Variants in VPS13C observed in about 807,000 individuals in gnomAD.
VPS13C encodes intermembrane lipid transfer protein VPS13C.
A neutral mutation model predicts 456.8 loss-of-function variants in VPS13C; 358 were observed. The observed-to-expected ratio is 0.78, with a 90% CI of 0.72 to 0.86. The LOEUF is 0.86. Ranked by LOEUF, VPS13C falls within the 40% of genes least tolerant of loss-of-function variation. The probability of loss-of-function intolerance (pLI) is 0.00; values close to 1 mark genes in which losing one functional copy is unlikely to be tolerated. For missense variants in VPS13C, 4,818 were observed against 4,385.4 expected (o/e 1.10, Z -2.79); for synonymous variants, 1,578 against 1,486.7 (o/e 1.06, Z -1.41).
chr15:61,942,138 T>G, intron 45 of VPS13C, 71 bp from the exon 46 acceptor site: 1 of 1,360,882 alleles, frequency 7.3e-7, no homozygotes, highest in Non-Finnish European at 9.9e-7. Flanking sequence ...TAAAAAGCAT[T>G]TACTTTAAAA....
chr15:62,017,605 G>T (rs1348534473), intron 9 of VPS13C, among the ~76,000 whole-genome samples: 1 of 152,088 alleles, frequency 6.6e-6, no homozygotes, highest in African/African-American at 2.4e-5. Flanking sequence ...TAGATGTGTG[G>T]TATTATTTCT....
chr15:61,965,526 C>A (rs749742365), intron 30 of VPS13C, among the ~76,000 whole-genome samples: 1 of 151,822 alleles, frequency 6.6e-6, no homozygotes, highest in Non-Finnish European at 1.5e-5. Flanking sequence ...AAATGAATTT[C>A]TTTTCATTTT....
At chr15:62,040,895 T>A (rs2048219903) in intron 3 of VPS13C, among the ~76,000 whole-genome samples, 3 of 152,102 alleles carry the variant, frequency 2.0e-5, no homozygotes, top group Admixed American at 2.0e-4. Flanking sequence ...AAACATATCC[T>A]CCATACCACA....
At chr15:62,050,350 G>A (rs2048575718) in intron 1 of VPS13C, among the ~76,000 whole-genome samples, 1 of 152,204 alleles carries the variant, frequency 6.6e-6, no homozygotes, top group African/African-American at 2.4e-5. Flanking sequence ...GCCCATGGGA[G>A]GAGGGTAGAC....
intron 39 of VPS13C, among the ~76,000 whole-genome samples, chr15:61,951,319 A>G (rs2044784225): frequency 6.6e-6 from 1 of 152,144 alleles, no homozygotes; most frequent in Admixed American, 6.5e-5. Context: ...TATAAAATAC[A>G]TAAAGTAGGG....
chr15:61,856,297 T>C lies in VPS13C; in HGVS notation c.11065A>G (p.Ile3689Val), dbSNP rs2140832169. 1 of 1,613,118 alleles carries C rather than the reference T, an allele frequency of 6.2e-7. No individual in the cohort carries two copies. The highest frequency in any genetic ancestry group is 8.5e-7 in the Non-Finnish European group (1 of 1,179,426). ...PPSVSENVLK[I>V]SVKEQGLFHK... ...ACATGTTTTCTTACCTTAACTGAAA[T>C]TTTTAGCACATTTTCACTGACACTA... Residue 3689 changes from isoleucine to valine, a missense_variant, in exon 83 of 85, where the codon ATT becomes GTT. Ile to Val is a conservative substitution (Grantham distance 29). This residue lies in a region of VPS13C where 261 missense variants were observed against 234.1 expected (regional missense o/e 1.11). Coordinates refer to ENST00000644861, the MANE Select transcript of VPS13C (RefSeq NM_020821.3).
chr15:61,919,233 T>A (rs2043568593), intron 58 of VPS13C, 56 bp downstream of exon 58: 9 of 1,517,002 alleles, frequency 5.9e-6, no homozygotes, highest in Non-Finnish European at 8.0e-6. Flanking sequence ...TTCAGCTAAA[T>A]GATTTAACCA....
intron 66 of VPS13C, among the ~76,000 whole-genome samples, chr15:61,891,020 C>T (rs1034455217): frequency 1.2e-4 from 19 of 152,088 alleles, no homozygotes; most frequent in Non-Finnish European, 2.1e-4. Context: ...GCACTCCAGC[C>T]TAGGCAACAA....
At chr15:61,880,998 T>C in intron 71 of VPS13C, 44 bp from the exon 72 acceptor site, 4 of 1,482,668 alleles carry the variant, frequency 2.7e-6, no homozygotes, top group Non-Finnish European at 3.7e-6. Flanking sequence ...CTACCAAATC[T>C]TTTAATTTTC....
Position 61,917,632 on chromosome 15 carries a change from A to G in VPS13C, c.7764T>C (p.Cys2588=), listed in dbSNP as rs763721565. 89 of 1,608,550 alleles carry G rather than the reference A, an allele frequency of 5.5e-5. No homozygotes were observed. The highest frequency in any genetic ancestry group is 7.1e-5 in the Non-Finnish European group (83 of 1,175,746). ...TTCCAGCTGGCTGGATAAACAATTG[A>G]CATCTGCAGAAAGAGGAAACAGTGA... ...EFHVPLDSYR[C]QLFIQPAGIL... Residue 2588 remains cysteine, a synonymous_variant, in exon 60 of 85, where the codon TGT becomes TGC. Transcript: ENST00000644861.
chr15:61,942,942 CA>C (rs1184281034), intron 45 of VPS13C, among the ~76,000 whole-genome samples: 1 of 151,930 alleles, frequency 6.6e-6, no homozygotes, highest in Non-Finnish European at 1.5e-5. Flanking sequence ...AATCAATGTA[CA>C]AAAATCAGTA....
At chr15:61,877,765 C>T (rs1285468053) in intron 74 of VPS13C, among the ~76,000 whole-genome samples, 4 of 151,856 alleles carry the variant, frequency 2.6e-5, no homozygotes, top group African/African-American at 9.7e-5. Context: ...AATAGAATCG[C>T]TCATATTTTA....
rs750018499 is a variant in VPS13C at position 61,854,538 on chromosome 15, C to T, written c.11181G>A (p.Glu3727=). ...ATAERACNAI[E]DAQSTRQQQK... ...GCTGCTGTCTCGTTGACTGTGCATCCTCAATGGCATTACATGCTCTCTGTA... is the reference window on the plus strand; with the variant it reads ...GCTGCTGTCTCGTTGACTGTGCATCTTCAATGGCATTACATGCTCTCTGTA... The change falls in exon 85 of 85, where the codon GAG becomes GAA. Residue 3727 remains glutamate, a synonymous_variant. Coordinates refer to ENST00000644861, the MANE Select transcript of VPS13C (RefSeq NM_020821.3). 1 of 1,613,902 alleles carries T rather than the reference C, an allele frequency of 6.2e-7. No homozygotes were observed. Among genetic ancestry groups the T allele is most frequent in the African/African-American group, 1.3e-5 (1 of 74,886 alleles).
In VPS13C at chr15:62,058,043, C is replaced by A. The variant is rs190649494; in HGVS notation, c.100+2232G>T. On this transcript the variant is annotated intron_variant, in intron 1 of 84. Transcript: ENST00000644861. ...TATAACATTGAAATATGAGTAATTA[C>A]ATGAAAGTATTATATCATCCAGTAT... 3.6e-4 allele frequency among the ~76,000 whole-genome samples: 55 copies of A among 152,220 alleles called. No individual in the cohort carries two copies. The East Asian group carries it at 9.8e-3, about 27-fold the overall frequency.
chr15:62,002,678 T>A (rs991883095), intron 15 of VPS13C, among the ~76,000 whole-genome samples: 2 of 139,898 alleles, frequency 1.4e-5, no homozygotes, highest in African/African-American at 5.4e-5. Context: ...CTTTAATCCA[T>A]CTTGAATTGA....
chr15:61,940,826 T>G, intron 46 of VPS13C, 32 bp from the exon 47 acceptor site: 2 of 1,592,238 alleles, frequency 1.3e-6, no homozygotes, highest in South Asian at 2.3e-5. Context: ...ATTTTTTACT[T>G]CAAATTTACA....
chr15:61,948,360 A>G, intron 42 of VPS13C, among the ~76,000 whole-genome samples: 1 of 152,140 alleles, frequency 6.6e-6, no homozygotes, highest in East Asian at 1.9e-4. Flanking sequence ...GTTTATAAGG[A>G]AATTGTTGCT....
chr15:61,943,603 A>T (rs561091808), intron 45 of VPS13C, among the ~76,000 whole-genome samples: 2 of 152,002 alleles, frequency 1.3e-5, no homozygotes, highest in South Asian at 4.1e-4. Flanking sequence ...TCTATGGTGA[A>T]AGGACCCCTA....
At chr15:61,936,911 T>C (rs2044245519) in intron 47 of VPS13C, among the ~76,000 whole-genome samples, 161 bp from the exon 48 acceptor site, 2 of 152,232 alleles carry the variant, frequency 1.3e-5, no homozygotes, top group Admixed American at 6.5e-5. Flanking sequence ...TATTTCACCT[T>C]GTTTACTGTG....
Sources: allele counts gnomAD v4.1 joint callset (sites outside exome capture counted in the v4.1 genomes callset), GRCh38; gene constraint gnomAD v4.1.1; regional missense constraint gnomAD v4.1.1; transcripts MANE v1.5; gene names NCBI Gene and HGNC (gene_info 2026-07-23, HGNC 2026-07-21).